The following VBP1 variants were observed in gnomAD, a reference collection of about 807,000 sequenced individuals.
The protein encoded by VBP1 is VHL binding protein 1.
A neutral mutation model predicts 15.5 loss-of-function variants in VBP1; 4 were observed. The ratio of observed to expected loss-of-function variants is 0.26; its 90% CI spans 0.13 to 0.59. The LOEUF is 0.59. Ranked by LOEUF, VBP1 falls within the 20% of genes least tolerant of loss-of-function variation. VBP1 has a pLI of 0.90. For missense variants in VBP1, 108 were observed against 139.6 expected (o/e 0.77, Z 1.14); for synonymous variants, 61 against 52.1 (o/e 1.17, Z -0.74).
At chrX:155,209,985 T>C (rs1012649325) in intron 2 of VBP1, among the ~76,000 whole-genome samples, 1 of 111,984 alleles carries the variant, frequency 8.9e-6, no homozygotes, top group Admixed American at 9.4e-5. Context: ...ATCCTCCACA[T>C]CTTCCAAGTA....
chrX:155,223,351 C>A (rs1001621806), intron 2 of VBP1, among the ~76,000 whole-genome samples: 1 of 108,109 alleles, frequency 9.2e-6, no homozygotes, highest in Non-Finnish European at 1.9e-5. Context: ...TGCCGCCTTC[C>A]GCAGTGTTTG....
intron 1 of VBP1, among the ~76,000 whole-genome samples, chrX:155,204,524 A>G (rs1557307894): frequency 8.9e-6 from 1 of 112,013 alleles, no homozygotes; most frequent in Non-Finnish European, 1.9e-5. Context: ...AATTATACAG[A>G]TATTTTTAAA....
chrX:155,229,409 T>C (rs1280710373), intron 4 of VBP1, among the ~76,000 whole-genome samples: 1 of 112,653 alleles, frequency 8.9e-6, no homozygotes, highest in African/African-American at 3.2e-5. Flanking sequence ...TCAGGAAAGA[T>C]AATTTCTGTT....
At chrX:155,201,247 C>G (rs1602864537) in intron 1 of VBP1, among the ~76,000 whole-genome samples, 1 of 109,994 alleles carries the variant, frequency 9.1e-6, no homozygotes, top group Admixed American at 9.7e-5. Flanking sequence ...GGAATCCTCC[C>G]TAACTCATTT....
chrX:155,205,453 C>G (rs2074622945), intron 1 of VBP1, among the ~76,000 whole-genome samples: 1 of 111,776 alleles, frequency 8.9e-6, no homozygotes, highest in African/African-American at 3.2e-5. Flanking sequence ...TTGCAGTCCT[C>G]CTTAATACAT....
chrX:155,228,311 C>A, intron 3 of VBP1, 73 bp from the exon 4 acceptor site: 2 of 800,087 alleles, frequency 2.5e-6, no homozygotes, highest in Non-Finnish European at 3.7e-6. Context: ...TTCAACTGTG[C>A]AATCTCTCCT....
upstream of VBP1, chrX:155,216,278 T>C (rs1014166917): frequency 1.1e-5 from 9 of 850,533 alleles, no homozygotes; most frequent in African/African-American, 1.7e-4. Flanking sequence ...CTTCCACGCT[T>C]GTCACTTACC....
At chrX:155,198,419 G>C (rs2074587207) in intron 1 of VBP1, among the ~76,000 whole-genome samples, 1 of 111,700 alleles carries the variant, frequency 9.0e-6, no homozygotes, top group Non-Finnish European at 1.9e-5. Flanking sequence ...AAAACTTCCA[G>C]AGGAATGTCA....
intron 5 of VBP1, 54 bp from the exon 6 acceptor site, chrX:155,238,718 T>G: frequency 1.0e-6 from 1 of 990,004 alleles, no homozygotes; most frequent in South Asian, 2.1e-5. Context: ...TACTTAGTCA[T>G]TGCATGCATT....
rs933267710 is a variant in VBP1 at position 155,239,027 on chromosome X, T to C, written c.*185T>C. 97 of 334,027 alleles carry C rather than the reference T, an allele frequency of 2.9e-4. No individual in the cohort carries two copies. Among genetic ancestry groups the C allele is most frequent in the African/African-American group, 1.6e-3 (59 of 36,781 alleles). 27.5% of individuals were successfully genotyped at this position (334,027 alleles called of 1,213,427 possible). A position where few individuals can be genotyped will look rare whatever the true frequency, so the allele number is the denominator to read the frequency against. On this transcript the variant is annotated 3_prime_UTR_variant, in exon 6 of 6. Coordinates refer to ENST00000286428, the MANE Select transcript of VBP1 (RefSeq NM_003372.7). ...TATTTTTGACATTGTGATTTTTTTT[T>C]CCACATTTCTCAGCAAAGCTAATGG...
chrX:155,227,839 G>T (rs1365964744), intron 3 of VBP1, among the ~76,000 whole-genome samples: 3 of 112,275 alleles, frequency 2.7e-5, no homozygotes, highest in East Asian at 2.8e-4. Flanking sequence ...TTAAATAAAA[G>T]CAGGTTGTAA....
chrX:155,227,319 T>C lies in VBP1; in HGVS notation c.285+18T>C. 1.8e-6 allele frequency: 2 copies of C among 1,107,060 alleles called. No homozygotes were observed. Among genetic ancestry groups the C allele is most frequent in the East Asian group, 3.3e-5 (1 of 29,957 alleles). 91.2% of individuals were successfully genotyped at this position (1,107,060 alleles called of 1,213,427 possible). On this transcript the variant is annotated intron_variant, in intron 3 of 5. Transcript: ENST00000286428. ...AGAAAAAAGTAAGTGCATTTTTGTT[T>C]GTAAATATGAGCAAGCTAGGATATG...
intron 4 of VBP1, among the ~76,000 whole-genome samples, chrX:155,229,291 G>A (rs782644194): frequency 1.8e-5 from 2 of 112,411 alleles, no homozygotes; most frequent in Non-Finnish European, 3.8e-5. Flanking sequence ...TAACTTTGAA[G>A]CATAGCAACT....
In VBP1 at chrX:155,239,407, A is replaced by C. The variant is rs1557311980; in HGVS notation, c.*565A>C. On this transcript the variant is annotated 3_prime_UTR_variant, in exon 6 of 6. Coordinates refer to ENST00000286428, the MANE Select transcript of VBP1 (RefSeq NM_003372.7). Reference sequence around the variant, plus strand: ...GTAATTTGCCTTGCTACACATTAAGAGGGCTATTAAGACTACATTTTTTCT... The same window carrying C: ...GTAATTTGCCTTGCTACACATTAAGCGGGCTATTAAGACTACATTTTTTCT... 1.8e-5 allele frequency: 2 copies of C among 112,149 alleles called. No homozygotes were observed. The highest frequency in any genetic ancestry group is 6.5e-5 in the African/African-American group (2 of 30,767). The allele number at this position is 112,149 out of a possible 1,213,427, so 9.2% of individuals were successfully genotyped here. A position where few individuals can be genotyped will look rare whatever the true frequency, so the allele number is the denominator to read the frequency against.
Position 155,238,823 on chromosome X carries a change from C to T in VBP1, c.575C>T (p.Ser192Phe), listed in dbSNP as rs1403394695. ...WDVKRRNKDD[S>F]TKNKA ...GTAAAAAGAAGAAACAAGGATGACTCTACCAAGAACAAAGCATAATGCTGG... is the reference window on the plus strand; with the variant it reads ...GTAAAAAGAAGAAACAAGGATGACTTTACCAAGAACAAAGCATAATGCTGG... Residue 192 changes from serine (S) to phenylalanine (F), a missense_variant, in exon 6 of 6, where the codon TCT becomes TTT. By Grantham distance (155) the Ser-to-Phe change is radical. Transcript: ENST00000286428. 1.2e-5 allele frequency: 14 copies of T among 1,202,720 alleles called. No homozygotes were observed. Among genetic ancestry groups the T allele is most frequent in the Middle Eastern group, 2.3e-4 (1 of 4,330 alleles).
chrX:155,225,090 A>G (rs782385866), intron 2 of VBP1, among the ~76,000 whole-genome samples: 43 of 111,798 alleles, frequency 3.8e-4, no homozygotes, highest in Non-Finnish European at 7.5e-4. Context: ...ATTTTGTTTC[A>G]TATGGTAGAG....
chrX:155,211,782 C>T (rs781815507), upstream of VBP1, among the ~76,000 whole-genome samples: 1 of 112,067 alleles, frequency 8.9e-6, no homozygotes, highest in South Asian at 3.8e-4. Flanking sequence ...AGATGTCTAT[C>T]TGAGGGACCC....
intron 1 of VBP1, among the ~76,000 whole-genome samples, chrX:155,205,600 C>T (rs2074623522): frequency 8.9e-6 from 1 of 111,764 alleles, no homozygotes; most frequent in South Asian, 3.7e-4. Context: ...CCTGCTTCTG[C>T]CCTTGCTCCC....
At chrX:155,216,271 C>T, upstream of VBP1, 33 of 807,892 alleles carry the variant, frequency 4.1e-5, no homozygotes, top group Non-Finnish European at 5.5e-5. Context: ...CGCGGCCCTT[C>T]CACGCTTGTC....
Sources: allele counts gnomAD v4.1 joint callset (sites outside exome capture counted in the v4.1 genomes callset), GRCh38; gene constraint gnomAD v4.1.1; transcripts MANE v1.5; gene names NCBI Gene and HGNC (gene_info 2026-07-23, HGNC 2026-07-21).